The following ELOVL7 variants were observed in gnomAD, a reference collection of about 807,000 sequenced individuals.
The protein encoded by ELOVL7 is ELOVL fatty acid elongase 7, also known as very long chain fatty acid elongase 7.
A neutral mutation model predicts 35.7 loss-of-function variants in ELOVL7; 27 were observed. The ratio of observed to expected loss-of-function variants is 0.76; its 90% CI spans 0.56 to 1.04. The LOEUF (loss-of-function observed/expected upper bound fraction) is 1.04, where lower values mean the gene tolerates loss of function less well. Among genes scored for constraint, ELOVL7 ranks in the 50% least tolerant of loss-of-function variants. ELOVL7 has a pLI of 0.00. For missense variants in ELOVL7, 327 were observed against 340.8 expected, an observed-to-expected ratio of 0.96 and a Z score of 0.32; for synonymous variants, 113 against 114.6, an observed-to-expected ratio of 0.99 and a Z score of 0.09.
intron 6 of ELOVL7, among the ~76,000 whole-genome samples, chr5:60,764,870 C>T (rs77221424): frequency 0.043 from 6,582 of 151,756 alleles, 295 homozygotes; most frequent in East Asian, 0.2. Context: ...GAAAGCAAAA[C>T]TGCATAGAAA....
intron 1 of ELOVL7, among the ~76,000 whole-genome samples, chr5:60,804,353 A>G (rs1744811342): frequency 6.6e-6 from 1 of 152,198 alleles, no homozygotes; most frequent in Non-Finnish European, 1.5e-5. Context: ...CAAACTTAGA[A>G]AAGAGTCAGA....
chr5:60,775,609 T>A (rs1482767933), intron 3 of ELOVL7, among the ~76,000 whole-genome samples: 1 of 152,108 alleles, frequency 6.6e-6, no homozygotes, highest in African/African-American at 2.4e-5. Context: ...CAAAACAGCA[T>A]GGTATTGATA....
chr5:60,792,739 G>A (rs989763332), intron 2 of ELOVL7, among the ~76,000 whole-genome samples: 2 of 152,160 alleles, frequency 1.3e-5, no homozygotes, highest in African/African-American at 2.4e-5. Context: ...AGGTGGTAGA[G>A]ATATCCTTTA....
At chr5:60,789,584 T>C (rs1743801997) in intron 2 of ELOVL7, among the ~76,000 whole-genome samples, 1 of 152,212 alleles carries the variant, frequency 6.6e-6, no homozygotes, top group South Asian at 2.1e-4. Flanking sequence ...TATAAATGCA[T>C]ACTTTTAACA....
At chr5:60,792,909 A>T (rs1380631264) in intron 2 of ELOVL7, among the ~76,000 whole-genome samples, 1 of 152,214 alleles carries the variant, frequency 6.6e-6, no homozygotes, top group Non-Finnish European at 1.5e-5. Context: ...AAAATGATCT[A>T]CAAACCTATC....
intron 1 of ELOVL7, among the ~76,000 whole-genome samples, chr5:60,815,593 A>G (rs931458204): frequency 1.3e-5 from 2 of 151,634 alleles, no homozygotes; most frequent in African/African-American, 4.8e-5. Flanking sequence ...TTTGAGACAG[A>G]GTCTCGTTCT....
intron 1 of ELOVL7, among the ~76,000 whole-genome samples, chr5:60,826,565 CT>C (rs1419200403): frequency 1.3e-5 from 2 of 152,158 alleles, no homozygotes; most frequent in African/African-American, 2.4e-5. Flanking sequence ...ATGCCAGTGC[CT>C]GTTTTTTAAC....
intron 1 of ELOVL7, among the ~76,000 whole-genome samples, chr5:60,832,827 G>C (rs376947548): frequency 6.6e-6 from 1 of 152,208 alleles, no homozygotes; most frequent in Non-Finnish European, 1.5e-5. Context: ...ATAAGAAAAG[G>C]AAGAGGGCTG....
intron 1 of ELOVL7, among the ~76,000 whole-genome samples, chr5:60,805,239 C>T (rs931032046): frequency 9.8e-5 from 15 of 152,294 alleles, no homozygotes; most frequent in African/African-American, 3.4e-4. Context: ...AGGCCAAACA[C>T]TTTTTTAGGT....
chr5:60,790,043 A>G (rs1241857770), intron 2 of ELOVL7, among the ~76,000 whole-genome samples: 2 of 152,146 alleles, frequency 1.3e-5, no homozygotes, highest in African/African-American at 2.4e-5. Flanking sequence ...AGGCTGAGGC[A>G]GGGGAATCGC....
At chr5:60,765,788 G>A (rs1216137621) in intron 6 of ELOVL7, among the ~76,000 whole-genome samples, 3 of 152,206 alleles carry the variant, frequency 2.0e-5, no homozygotes, top group African/African-American at 7.2e-5. Flanking sequence ...TTCAAAAGGT[G>A]AAGCATATTG....
chr5:60,788,409 T>C (rs569830491), intron 2 of ELOVL7, among the ~76,000 whole-genome samples: 64 of 152,288 alleles, frequency 4.2e-4, no homozygotes, highest in African/African-American at 1.5e-3. Flanking sequence ...CACTTTAAAA[T>C]GGTTAAAGTG....
chr5:60,784,662 G>A (rs913705669), intron 3 of ELOVL7, among the ~76,000 whole-genome samples: 20 of 152,140 alleles, frequency 1.3e-4, no homozygotes, highest in African/African-American at 4.8e-4. Flanking sequence ...TTGATCATAA[G>A]TTCAGACATT....
At chr5:60,768,403 T>C (rs536848651) in intron 4 of ELOVL7, among the ~76,000 whole-genome samples, 1 of 152,348 alleles carries the variant, frequency 6.6e-6, no homozygotes, top group East Asian at 1.9e-4. Flanking sequence ...AACTGGGCTT[T>C]TCCCATCATT....
At chr5:60,827,464 A>G (rs1264188622) in intron 1 of ELOVL7, among the ~76,000 whole-genome samples, 2 of 152,234 alleles carry the variant, frequency 1.3e-5, no homozygotes, top group East Asian at 1.9e-4. Flanking sequence ...ATTTACAAAT[A>G]TCTTTCTAGG....
intron 4 of ELOVL7, among the ~76,000 whole-genome samples, chr5:60,769,858 T>C (rs2013909): frequency 0.048 from 7,268 of 152,104 alleles, 580 homozygotes; most frequent in African/African-American, 0.17. Context: ...GAGAGCAGTC[T>C]GGGAAACATG....
At chr5:60,811,994 T>C (rs549444695) in intron 1 of ELOVL7, among the ~76,000 whole-genome samples, 2 of 152,234 alleles carry the variant, frequency 1.3e-5, no homozygotes, top group South Asian at 2.1e-4. Flanking sequence ...GGCAGGAGGA[T>C]TGCTTGAGGC....
intron 2 of ELOVL7, among the ~76,000 whole-genome samples, chr5:60,793,920 G>A (rs1744089909): frequency 6.6e-6 from 1 of 152,152 alleles, no homozygotes; most frequent in East Asian, 1.9e-4. Context: ...GAAAGCAGTG[G>A]CCCAGAATTT....
At chr5:60,804,051 T>C (rs1308440455) in intron 1 of ELOVL7, among the ~76,000 whole-genome samples, 1 of 152,204 alleles carries the variant, frequency 6.6e-6, no homozygotes, top group South Asian at 2.1e-4. Flanking sequence ...TCATGACTCT[T>C]GAGTTTGAGC....
Sources: gnomAD v4.1 joint callset for allele counts (sites outside exome capture counted in the v4.1 genomes callset) on GRCh38, gnomAD v4.1.1 for gene constraint, MANE v1.5 for transcripts, NCBI Gene and HGNC (gene_info 2026-07-23, HGNC 2026-07-21) for gene names.